Variants in ANK2 observed in about 807,000 individuals in gnomAD.
The protein encoded by ANK2 is ankyrin-2.
Under a neutral mutation model 360.5 loss-of-function variants are expected in ANK2, and 83 were observed. The observed-to-expected ratio is 0.23, with a 90% CI of 0.19 to 0.28. The LOEUF is 0.28. ANK2 is among the 10% of genes least tolerant of loss of function. ANK2 has a pLI of 1.00. For missense variants in ANK2, 4,201 were observed against 4,795.7 expected, an observed-to-expected ratio of 0.88 and a Z score of 3.66; for synonymous variants, 1,740 against 1,759.5, an observed-to-expected ratio of 0.99 and a Z score of 0.28.
chr4:112,731,924 G>A, the ANK2 span, among the ~76,000 whole-genome samples: 11 of 152,118 alleles, frequency 7.2e-5, no homozygotes, highest in Non-Finnish European at 1.3e-4. Flanking sequence ...TCAAGTAGCC[G>A]GGACAACAGG....
At chr4:113,203,435 G>T (rs1441508654) in intron 4 of ANK2, among the ~76,000 whole-genome samples, 2 of 113,956 alleles carry the variant, frequency 1.8e-5, no homozygotes, top group Non-Finnish European at 4.1e-5. Context: ...ATCTCTGATT[G>T]CAAAAAAAAA....
chr4:112,914,774 T>G (rs1448036788), intron 2 of ANK2, among the ~76,000 whole-genome samples: 1 of 152,038 alleles, frequency 6.6e-6, no homozygotes, highest in African/African-American at 2.4e-5. Flanking sequence ...CTAGAAGGGG[T>G]TGGAAAGAGC....
At chr4:112,772,192 C>G in the ANK2 span, among the ~76,000 whole-genome samples, 2 of 152,150 alleles carry the variant, frequency 1.3e-5, no homozygotes, top group Non-Finnish European at 2.9e-5. Flanking sequence ...ATCACAGTTC[C>G]TCATGGCTGG....
At chr4:112,879,648 C>T (rs962345678) in intron 1 of ANK2, among the ~76,000 whole-genome samples, 5 of 152,042 alleles carry the variant, frequency 3.3e-5, no homozygotes, top group South Asian at 4.1e-4. Flanking sequence ...GAGGGTTTTT[C>T]GTTAGATACA....
chr4:113,086,402 A>G (rs972394154), intron 1 of ANK2, among the ~76,000 whole-genome samples: 1 of 152,104 alleles, frequency 6.6e-6, no homozygotes, highest in African/African-American at 2.4e-5. Context: ...ATATTCATAG[A>G]TTTTTTTTAT....
At chr4:112,996,004 C>T (rs912897076) in intron 2 of ANK2, among the ~76,000 whole-genome samples, 1 of 152,094 alleles carries the variant, frequency 6.6e-6, no homozygotes, top group African/African-American at 2.4e-5. Context: ...AAGCATAAAC[C>T]CATGCAAAGA....
intron 2 of ANK2, among the ~76,000 whole-genome samples, chr4:113,007,384 T>A (rs2154290355): frequency 6.6e-6 from 1 of 152,270 alleles, no homozygotes; most frequent in South Asian, 2.1e-4. Flanking sequence ...CAAAGATTTA[T>A]CCTTGCCTGA....
intron 1 of ANK2, among the ~76,000 whole-genome samples, chr4:113,138,771 T>A (rs999951589): frequency 6.6e-6 from 1 of 152,206 alleles, no homozygotes; most frequent in South Asian, 2.1e-4. Context: ...TAAATCCATG[T>A]GTTGAAGCCC....
At position 113,381,713 on chromosome 4, in the gene ANK2, G is replaced by C. The variant is rs1357272564; in HGVS notation, c.*242G>C. The stretch of plus-strand genomic sequence containing the variant: ...CAGCTTCCTGTTTCAGTAGGGGAGT[G>C]ACCTAACTGGCCTAATTAATGGGAT... On this transcript the variant is annotated 3_prime_UTR_variant, in exon 46 of 46. Coordinates refer to ENST00000357077, the MANE Select transcript of ANK2 (RefSeq NM_001148.6). 2.3e-5 allele frequency: 33 copies of C among 1,462,874 alleles called. 1 individual carries two copies. Among genetic ancestry groups the C allele is most frequent in the Non-Finnish European group, 2.9e-5 (32 of 1,085,142 alleles). 90.6% of individuals were successfully genotyped at this position (1,462,874 alleles called of 1,614,324 possible).
rs2099008781 is a variant in ANK2 at position 113,210,468 on chromosome 4, A to G, written c.384+11359A>G. ...GAAGAATTAAAATGAGAGCTAATCAAGTCCAGTGATATCAGCATTTGATTT... is the reference window on the plus strand; with the variant it reads ...GAAGAATTAAAATGAGAGCTAATCAGGTCCAGTGATATCAGCATTTGATTT... On this transcript the variant is annotated intron_variant, in intron 4 of 45. Coordinates refer to ENST00000357077, the MANE Select transcript of ANK2 (RefSeq NM_001148.6). Among the ~76,000 whole-genome samples, 7 of 152,236 alleles carry G rather than the reference A, an allele frequency of 4.6e-5. 1 individual carries two copies. Among genetic ancestry groups the G allele is most frequent in the Admixed American group, 4.6e-4 (7 of 15,278 alleles).
intron 42 of ANK2, among the ~76,000 whole-genome samples, chr4:113,368,389 T>A (rs2096612335): frequency 6.6e-6 from 1 of 152,210 alleles, no homozygotes; most frequent in South Asian, 2.1e-4. Context: ...CATAAAAATA[T>A]AAATGCAATG....
Position 113,298,781 on chromosome 4 carries a change from T to C in ANK2, c.2476-3986T>C, listed in dbSNP as rs115403369. On this transcript the variant is annotated intron_variant, in intron 22 of 45. Coordinates refer to ENST00000357077, the MANE Select transcript of ANK2 (RefSeq NM_001148.6). ...AGCAGAAAGAGATGTCCATGATCAT[T>C]TCACTATAGCCTTGTTCTCTATGTA... is the stretch of plus-strand genomic sequence containing the variant. 4.4e-3 allele frequency among the ~76,000 whole-genome samples: 676 copies of C among 152,312 alleles called. 6 individuals carry two copies. The highest frequency in any genetic ancestry group is 0.016 in the African/African-American group (647 of 41,570).
At chr4:113,102,344 C>T (rs1018650027) in intron 1 of ANK2, among the ~76,000 whole-genome samples, 7 of 151,864 alleles carry the variant, frequency 4.6e-5, no homozygotes, top group South Asian at 2.1e-4. Context: ...AAAAACATTT[C>T]GGGGGAAAAA....
intron 2 of ANK2, among the ~76,000 whole-genome samples, chr4:113,015,425 A>C (rs2056338887): frequency 6.6e-6 from 1 of 152,322 alleles, no homozygotes; most frequent in African/African-American, 2.4e-5. Context: ...TCCTGACCAT[A>C]TGTCCGAACT....
rs1168556832 is a variant in ANK2 at position 113,336,022 on chromosome 4, G to A, written c.3556G>A (p.Gly1186Arg). 3.7e-6 allele frequency: 6 copies of A among 1,614,068 alleles called. No individual in the cohort carries two copies. The highest frequency in any genetic ancestry group is 5.1e-6 in the Non-Finnish European group (6 of 1,180,000). ...CCAGGTGCAGGCCGTCTTCCCAGAG[G>A]GGGCACTCACCAAGCGGATCCGCGT... ...VPQVQAVFPE[G>R]ALTKRIRVGL... The change falls in exon 30 of 46, where the codon GGG becomes AGG. Residue 1186 changes from glycine (G) to arginine (R), a missense_variant. By Grantham distance (125) the Gly-to-Arg change is moderately radical. Coordinates refer to ENST00000357077, the MANE Select transcript of ANK2 (RefSeq NM_001148.6).
At chr4:112,856,843 A>G (rs555604552) in intron 1 of ANK2, among the ~76,000 whole-genome samples, 59 of 152,344 alleles carry the variant, frequency 3.9e-4, no homozygotes, top group African/African-American at 1.1e-3. Flanking sequence ...GGGGAGAGAA[A>G]TTGGGGTCAA....
chr4:113,039,969 A>G (rs578033508), intron 2 of ANK2, among the ~76,000 whole-genome samples: 19 of 152,168 alleles, frequency 1.2e-4, no homozygotes, highest in African/African-American at 3.4e-4. Context: ...AATTTGCGAT[A>G]ACTTATTTTT....
intron 1 of ANK2, among the ~76,000 whole-genome samples, chr4:112,898,871 C>A (rs1313008384): frequency 1.3e-5 from 2 of 152,082 alleles, no homozygotes; most frequent in African/African-American, 4.8e-5. Flanking sequence ...TGGTATTTTT[C>A]TCTGGGATGT....
upstream of ANK2, among the ~76,000 whole-genome samples, chr4:112,817,224 G>T (rs1389729621): frequency 6.6e-6 from 1 of 152,064 alleles, no homozygotes; most frequent in Non-Finnish European, 1.5e-5. Context: ...CCAGCCTTTA[G>T]ATTCAGTATT....
Sources: allele counts gnomAD v4.1 joint callset (sites outside exome capture counted in the v4.1 genomes callset), GRCh38; gene constraint gnomAD v4.1.1; transcripts MANE v1.5; gene names NCBI Gene and HGNC (gene_info 2026-07-23, HGNC 2026-07-21).